Variants in KCNMA1 observed in about 807,000 individuals in gnomAD.
KCNMA1 encodes the protein Calcium-activated potassium channel subunit alpha-1.
In KCNMA1, 29 loss-of-function variants were observed where a neutral mutation model predicts 140.0. That is an observed-to-expected ratio of 0.21 (90% CI 0.15 to 0.28). KCNMA1 has a LOEUF of 0.28. Among genes scored for constraint, KCNMA1 ranks in the 10% least tolerant of loss-of-function variants. The pLI, the probability that KCNMA1 is intolerant of heterozygous loss-of-function variation, is 1.00. For synonymous variants in KCNMA1, 612 were observed against 611.9 expected (o/e 1.00, Z 0.00); for missense variants, 880 against 1,602.2 (o/e 0.55, Z 7.70).
At chr10:77,107,244 G>A (rs1363546260) in intron 9 of KCNMA1, among the ~76,000 whole-genome samples, 1 of 152,156 alleles carries the variant, frequency 6.6e-6, no homozygotes, top group African/African-American at 2.4e-5. Flanking sequence ...AACAGAACGA[G>A]AAGGGAAAAC....
At chr10:77,319,495 C>T (rs1304182742) in intron 2 of KCNMA1, among the ~76,000 whole-genome samples, 1 of 152,222 alleles carries the variant, frequency 6.6e-6, no homozygotes, top group Non-Finnish European at 1.5e-5. Context: ...CTCCAAGAAG[C>T]CCAAGTCCTT....
At chr10:77,012,687 G>T in intron 17 of KCNMA1, 1 of 737,478 alleles carries the variant, frequency 1.4e-6, no homozygotes, top group Non-Finnish European at 2.3e-6. Flanking sequence ...CTGAGAACAT[G>T]CACTAAATGA....
At chr10:77,117,561 A>AAAAAAG (rs1554837398) in intron 6 of KCNMA1, among the ~76,000 whole-genome samples, 200 of 147,520 alleles carry the variant, frequency 1.4e-3, no homozygotes, top group African/African-American at 4.8e-3. Context: ...AAAAAAAAAA[A>AAAAAAG]AAAAGAAAAG....
chr10:77,136,851 G>A (rs1488551991), intron 5 of KCNMA1, among the ~76,000 whole-genome samples: 1 of 152,108 alleles, frequency 6.6e-6, no homozygotes, highest in Non-Finnish European at 1.5e-5. Flanking sequence ...GTCAGGACTG[G>A]AATACAGGTT....
At chr10:77,182,347 A>C (rs952227729) in intron 5 of KCNMA1, among the ~76,000 whole-genome samples, 2 of 152,242 alleles carry the variant, frequency 1.3e-5, no homozygotes, top group African/African-American at 4.8e-5. Flanking sequence ...CAACTCTTAC[A>C]AAATGAGTTA....
intron 14 of KCNMA1, among the ~76,000 whole-genome samples, chr10:77,059,435 C>T (rs2095658681): frequency 6.6e-6 from 1 of 151,928 alleles, no homozygotes; most frequent in Non-Finnish European, 1.5e-5. Flanking sequence ...AAAAAACAAA[C>T]ACACACAAAT....
intron 25 of KCNMA1, chr10:76,901,534 T>A (rs2045404668): frequency 6.6e-6 from 1 of 152,236 alleles, no homozygotes; most frequent in Admixed American, 6.5e-5. Flanking sequence ...TGTGTTGAAA[T>A]CAGTTATACC....
chr10:76,880,797 C>A (rs2034329331), downstream of KCNMA1, among the ~76,000 whole-genome samples: 1 of 152,214 alleles, frequency 6.6e-6, no homozygotes, highest in Non-Finnish European at 1.5e-5. Context: ...ATCCAAATCC[C>A]TGACTTTATC....
chr10:77,347,116 C>G (rs2092285378), intron 2 of KCNMA1, among the ~76,000 whole-genome samples: 2 of 152,142 alleles, frequency 1.3e-5, no homozygotes, highest in South Asian at 4.1e-4. Context: ...TGAAGAGTAC[C>G]AATATCCTGA....
intron 15 of KCNMA1, 199 bp downstream of exon 15, chr10:77,039,329 G>C: frequency 3.2e-6 from 2 of 627,278 alleles, no homozygotes; most frequent in Non-Finnish European, 2.9e-6. Flanking sequence ...GTCAAGAAAA[G>C]TGGGGCCAGT....
At chr10:77,482,997 C>T (rs9664021) in intron 1 of KCNMA1, among the ~76,000 whole-genome samples, 13 of 18,982 alleles carry the variant, frequency 6.8e-4, no homozygotes, top group African/African-American at 3.7e-3. Context: ...CACATACACA[C>T]ACACACACAC....
At chr10:77,160,929 G>A (rs1262347273) in intron 5 of KCNMA1, among the ~76,000 whole-genome samples, 2 of 152,166 alleles carry the variant, frequency 1.3e-5, no homozygotes, top group African/African-American at 2.4e-5. Flanking sequence ...ATTTAGATCT[G>A]CTTTCACTCT....
At chr10:77,602,102 G>A (rs1240701339) in intron 1 of KCNMA1, among the ~76,000 whole-genome samples, 1 of 152,172 alleles carries the variant, frequency 6.6e-6, no homozygotes, top group Non-Finnish European at 1.5e-5. Context: ...CCACTTGTGA[G>A]GGACACAAAA....
intron 22 of KCNMA1, among the ~76,000 whole-genome samples, chr10:76,948,257 C>T (rs2064960837): frequency 6.6e-6 from 1 of 152,178 alleles, no homozygotes; most frequent in African/African-American, 2.4e-5. Flanking sequence ...CCTCCCGCCT[C>T]AGCATCCCAA....
chr10:77,483,144 G>A (rs1405389904), intron 1 of KCNMA1, among the ~76,000 whole-genome samples: 1 of 152,040 alleles, frequency 6.6e-6, no homozygotes, highest in Non-Finnish European at 1.5e-5. Flanking sequence ...GGGTTTAGAG[G>A]GGCCAGGAGA....
intron 2 of KCNMA1, among the ~76,000 whole-genome samples, chr10:77,295,210 G>A (rs1601583400): frequency 6.6e-6 from 1 of 151,676 alleles, no homozygotes; most frequent in African/African-American, 2.4e-5. Flanking sequence ...TAGCCAGCAA[G>A]GTGGTGCATG....
chr10:77,036,010 C>T (rs1224096639), intron 15 of KCNMA1, among the ~76,000 whole-genome samples: 1 of 152,164 alleles, frequency 6.6e-6, no homozygotes, highest in Non-Finnish European at 1.5e-5. Context: ...GAAGTAGATC[C>T]ACCCTCACTC....
intron 20 of KCNMA1, among the ~76,000 whole-genome samples, chr10:76,958,252 C>G (rs1358747355): frequency 6.6e-6 from 1 of 152,180 alleles, no homozygotes; most frequent in Non-Finnish European, 1.5e-5. Context: ...CACAACTCCT[C>G]AAAGACCAGT....
intron 2 of KCNMA1, among the ~76,000 whole-genome samples, chr10:77,324,971 C>CTCTCTCTCTCTCTGTGTGTGTG (rs766240356): frequency 4.1e-4 from 37 of 90,444 alleles, no homozygotes; most frequent in Admixed American, 3.7e-4. Flanking sequence ...CTCTCTCTCT[C>CTCTCTCTCTCTCTGTGTGTGTG]TGTGTGTGTG....
Sources: gnomAD v4.1 joint callset for allele counts (sites outside exome capture counted in the v4.1 genomes callset) on GRCh38, gnomAD v4.1.1 for gene constraint, MANE v1.5 for transcripts, NCBI Gene and HGNC (gene_info 2026-07-23, HGNC 2026-07-21) for gene names.